Variants in CLYBL observed in about 807,000 individuals in gnomAD.
CLYBL encodes citramalyl-CoA lyase, also known as citramalyl-CoA lyase, mitochondrial.
A neutral mutation model predicts 38.9 loss-of-function variants in CLYBL; 31 were observed. That is an observed-to-expected ratio of 0.80 (90% confidence interval 0.60 to 1.08). CLYBL has a LOEUF of 1.08. CLYBL is among the 50% of genes least tolerant of loss of function. CLYBL has a pLI of 0.00. For missense variants in CLYBL, 434 were observed against 411.6 expected (o/e 1.05, Z -0.47); for synonymous variants, 171 against 158.6 (o/e 1.08, Z -0.59).
chr13:99,847,316 G>A (rs539490260), intron 2 of CLYBL, among the ~76,000 whole-genome samples: 69 of 152,324 alleles, frequency 4.5e-4, no homozygotes, highest in African/African-American at 1.6e-3. Context: ...AGAAAGCTAG[G>A]TACGAGGTCC....
At chr13:99,850,736 G>A (rs1026265226) in intron 2 of CLYBL, among the ~76,000 whole-genome samples, 1 of 152,186 alleles carries the variant, frequency 6.6e-6, no homozygotes, top group Admixed American at 6.5e-5. Flanking sequence ...AATGTTCATA[G>A]CAGCATTATT....
At chr13:99,608,582 C>T (rs2046569724) in intron 1 of CLYBL, among the ~76,000 whole-genome samples, 1 of 152,020 alleles carries the variant, frequency 6.6e-6, no homozygotes, top group African/African-American at 2.4e-5. Flanking sequence ...TTGAGGGGGC[C>T]AGCGTCTGTG....
chr13:99,863,038 A>G lies in CLYBL; in HGVS notation c.486A>G (p.Gln162=), dbSNP rs2051646461. 1.9e-6 allele frequency: 3 copies of G among 1,611,522 alleles called. No homozygotes were observed. Among genetic ancestry groups the G allele is most frequent in the Non-Finnish European group, 1.7e-6 (2 of 1,178,988 alleles). The change falls in exon 4 of 9, where the codon CAA becomes CAG. Residue 162 remains glutamine, a synonymous_variant. Coordinates refer to ENST00000339105, the MANE Select transcript of CLYBL (RefSeq NM_206808.5). ...ACTTAAAAGGCCGAAAACTTGAACA[A>G]CCAATGAATTTAATCCCTTTTGTGG... The part of the protein sequence containing the change: ...SFHLKGRKLE[Q]PMNLIPFVET...
chr13:99,776,430 A>C (rs889440285), intron 2 of CLYBL, among the ~76,000 whole-genome samples: 3 of 150,656 alleles, frequency 2.0e-5, no homozygotes, highest in Admixed American at 6.6e-5. Flanking sequence ...TGGGAGGCAG[A>C]GGTTGTAGTG....
chr13:99,759,939 T>A (rs1035984372), intron 1 of CLYBL, among the ~76,000 whole-genome samples: 2 of 152,254 alleles, frequency 1.3e-5, no homozygotes, highest in Non-Finnish European at 2.9e-5. Flanking sequence ...TTGAGACCTT[T>A]TAAATGCTTT....
chr13:99,862,248 T>G (rs555503450), intron 3 of CLYBL, among the ~76,000 whole-genome samples: 1 of 152,342 alleles, frequency 6.6e-6, no homozygotes, highest in South Asian at 2.1e-4. Flanking sequence ...CCACATCTTA[T>G]TAGATCTAGA....
At chr13:99,640,358 G>C (rs944614557) in intron 1 of CLYBL, among the ~76,000 whole-genome samples, 1 of 152,120 alleles carries the variant, frequency 6.6e-6, no homozygotes, top group Non-Finnish European at 1.5e-5. Flanking sequence ...TGTTTCACTA[G>C]GTTCACTAAT....
intron 2 of CLYBL, among the ~76,000 whole-genome samples, chr13:99,832,898 A>T (rs1335799430): frequency 1.7e-4 from 26 of 149,878 alleles, no homozygotes; most frequent in Non-Finnish European, 1.5e-5. Context: ...AAAAGAAAAA[A>T]ACCCAAAAGA....
chr13:99,816,479 G>A (rs780832822), intron 2 of CLYBL, among the ~76,000 whole-genome samples: 7 of 152,248 alleles, frequency 4.6e-5, no homozygotes, highest in South Asian at 2.1e-4. Context: ...CAGTAGCCTC[G>A]TAAAATGGGC....
chr13:99,654,624 C>G (rs748242018), intron 1 of CLYBL, among the ~76,000 whole-genome samples: 1 of 152,168 alleles, frequency 6.6e-6, no homozygotes, highest in Non-Finnish European at 1.5e-5. Context: ...TGAAGGTGGG[C>G]AGAGCACATA....
At position 99,866,240 on chromosome 13, in the gene CLYBL, G is replaced by A; in HGVS notation, c.635G>A (p.Gly212Asp). ...FGGEDFRASI[G>D]ATSSKETLDI... ...TTTTCTGTTAACATCCCATTTTCAGGTGCAACAAGTAGTAAAGAAACCCTG... is the reference window on the plus strand; with the variant it reads ...TTTTCTGTTAACATCCCATTTTCAGATGCAACAAGTAGTAAAGAAACCCTG... Residue 212 changes from glycine (G) to aspartate (D), a missense_variant and splice_region_variant, in exon 6 of 9, where the codon GGT (glycine) becomes GAT (aspartate). Coordinates refer to ENST00000339105, the MANE Select transcript of CLYBL (RefSeq NM_206808.5). 1 of 1,613,042 alleles carries A rather than the reference G, an allele frequency of 6.2e-7. No homozygotes were observed. Among genetic ancestry groups the A allele is most frequent in the South Asian group, 1.1e-5 (1 of 90,856 alleles).
chr13:99,856,785 T>C (rs2051469296), intron 2 of CLYBL, among the ~76,000 whole-genome samples: 1 of 151,914 alleles, frequency 6.6e-6, no homozygotes, highest in Admixed American at 6.6e-5. Context: ...ACTACAGGTA[T>C]GTGCCACTAC....
At chr13:99,841,140 T>C (rs1205384783) in intron 2 of CLYBL, among the ~76,000 whole-genome samples, 1 of 152,202 alleles carries the variant, frequency 6.6e-6, no homozygotes, top group East Asian at 1.9e-4. Context: ...GGTTGCTCTT[T>C]GTAATTTTTT....
chr13:99,866,389 G>A lies in CLYBL; in HGVS notation c.784G>A (p.Ala262Thr). 1.2e-6 allele frequency: 2 copies of A among 1,613,174 alleles called. No individual in the cohort carries two copies. The highest frequency in any genetic ancestry group is 1.7e-6 in the Non-Finnish European group (2 of 1,179,850). The change falls in exon 6 of 9, where the codon GCC becomes ACC. Residue 262 changes from alanine (A) to threonine (T), a missense_variant. Transcript: ENST00000339105. ...AGLLRQSREG[A>T]AMGFTGKQVI... is the part of the protein sequence containing the mutation. ...GCTGCTTAGACAGTCACGAGAAGGA[G>A]CCGCCATGGGCTTCACTGGTATGAT... is the stretch of plus-strand genomic sequence containing the variant.
chr13:99,834,404 A>T (rs2050888434), intron 2 of CLYBL, among the ~76,000 whole-genome samples: 1 of 152,106 alleles, frequency 6.6e-6, no homozygotes, highest in Non-Finnish European at 1.5e-5. Context: ...CTTATGAGAG[A>T]AGGAATCCTA....
At chr13:99,688,783 A>G (rs2047856481) in intron 1 of CLYBL, among the ~76,000 whole-genome samples, 1 of 152,240 alleles carries the variant, frequency 6.6e-6, no homozygotes, top group Non-Finnish European at 1.5e-5. Flanking sequence ...TGCAAAAGAT[A>G]GAGCGTCCAA....
intron 1 of CLYBL, among the ~76,000 whole-genome samples, chr13:99,607,741 A>C (rs1052493835): frequency 2.0e-5 from 3 of 151,836 alleles, no homozygotes; most frequent in African/African-American, 4.8e-5. Flanking sequence ...GAACTTCTTT[A>C]TTTATTTATT....
At chr13:99,862,445 G>GAATT (rs1285069267) in intron 3 of CLYBL, among the ~76,000 whole-genome samples, 3 of 151,318 alleles carry the variant, frequency 2.0e-5, no homozygotes, top group African/African-American at 7.3e-5. Context: ...GGTCTTCAAA[G>GAATT]AATTAAACTT....
intron 1 of CLYBL, among the ~76,000 whole-genome samples, chr13:99,708,075 C>CT (rs1320141205): frequency 2.0e-5 from 3 of 152,108 alleles, no homozygotes; most frequent in Non-Finnish European, 4.4e-5. Flanking sequence ...CTTCCACCCC[C>CT]TGGGTTCATT....
Sources: allele counts gnomAD v4.1 joint callset (sites outside exome capture counted in the v4.1 genomes callset), GRCh38; gene constraint gnomAD v4.1.1; transcripts MANE v1.5; gene names NCBI Gene and HGNC (gene_info 2026-07-23, HGNC 2026-07-21).